Variants in ALDH16A1 observed in about 807,000 individuals in gnomAD.
ALDH16A1 encodes the protein aldehyde dehydrogenase 16 family member A1, also known as aldehyde dehydrogenase family 16 member A1.
A neutral mutation model predicts 96.1 loss-of-function variants in ALDH16A1; 88 were observed. The observed-to-expected ratio is 0.92, with a 90% CI of 0.77 to 1.09. ALDH16A1 has a LOEUF of 1.09. Among genes scored for constraint, ALDH16A1 ranks in the 50% least tolerant of loss-of-function variants. The pLI is 0.00. For synonymous variants in ALDH16A1, 522 were observed against 496.4 expected, an observed-to-expected ratio of 1.05 and a Z score of -0.69; for missense variants, 1,250 against 1,112.6, an observed-to-expected ratio of 1.12 and a Z score of -1.76.
Position 49,468,323 on chromosome 19 carries a change from T to C in ALDH16A1, c.1939-58T>C. The C allele has an allele frequency of 6.5e-7, 1 of 1,538,124 alleles. No individual in the cohort carries two copies. The highest frequency in any genetic ancestry group is 8.8e-7 in the Non-Finnish European group (1 of 1,138,724). ...GGGGAGAATGTAGAGGAACTGGATC[T>C]CTCATTTACTGCGGGCGGGGCTCCC... On this transcript the variant is annotated intron_variant, in intron 14 of 16. Coordinates refer to ENST00000293350, the MANE Select transcript of ALDH16A1 (RefSeq NM_153329.4). This position sits in a 1 kb window ranked among gnomAD's most constrained non-coding sequence, Gnocchi z 4.4.
intron 5 of ALDH16A1, among the ~76,000 whole-genome samples, chr19:49,461,182 G>A (rs367897937): frequency 0.014 from 481 of 34,586 alleles, 12 homozygotes; most frequent in African/African-American, 0.052. Context: ...GAGGGGCTGG[G>A]GTCTGGATTC....
At chr19:49,462,533 C>CA in intron 7 of ALDH16A1, 37 bp from the exon 8 acceptor site, 1 of 1,600,166 alleles carries the variant, frequency 6.2e-7, no homozygotes, top group Non-Finnish European at 8.5e-7. Context: ...TGCTAGAGTG[C>CA]AATGGTGTGA....
Position 49,468,068 on chromosome 19 carries a change from G to T in ALDH16A1, c.1939-313G>T, listed in dbSNP as rs2079213659. On this transcript the variant is annotated intron_variant, in intron 14 of 16. Coordinates refer to ENST00000293350, the MANE Select transcript of ALDH16A1 (RefSeq NM_153329.4). The surrounding 1 kb of genome is among the most constrained non-coding windows in gnomAD (Gnocchi z 4.4). ...TCAGCTACTCAGGAGACTGAGGCAG[G>T]AGAATGGCGTGAACCCGGGAGGCGG... is the stretch of plus-strand genomic sequence containing the variant. 6.6e-6 allele frequency among the ~76,000 whole-genome samples: 1 copy of T among 151,028 alleles called. No homozygotes were observed. Among genetic ancestry groups the T allele is most frequent in the Non-Finnish European group, 1.5e-5 (1 of 67,904 alleles).
intron 10 of ALDH16A1, 76 bp downstream of exon 10, chr19:49,464,339 C>T (rs1368085982): frequency 2.5e-6 from 4 of 1,572,404 alleles, no homozygotes; most frequent in Non-Finnish European, 3.5e-6. Flanking sequence ...TGGGTCGCTC[C>T]CCGCGCCTTT....
chr19:49,468,704 CTTCACTCCT>C lies in ALDH16A1; in HGVS notation c.2124+140_2124+148del. On this transcript the variant is annotated intron_variant, in intron 15 of 16. Coordinates refer to ENST00000293350, the MANE Select transcript of ALDH16A1 (RefSeq NM_153329.4). The surrounding 1 kb of genome is among the most constrained non-coding windows in gnomAD (Gnocchi z 4.4). ...CTGCCCCCAGCCCCAGCACCCAAAC[CTTCACTCCT>C]TGGGGACCCAGTGCCCATTCTTCAC... 1 of 1,363,128 alleles carries C rather than the reference CTTCACTCCT, an allele frequency of 7.3e-7. No homozygotes were observed. The highest frequency in any genetic ancestry group is 1.3e-5 in the South Asian group (1 of 74,184). The allele number at this position is 1,363,128 out of a possible 1,614,324, so 84.4% of individuals were successfully genotyped here.
intron 1 of ALDH16A1, among the ~76,000 whole-genome samples, chr19:49,454,042 T>TTTTTTTTTG (rs2079090877): frequency 2.7e-5 from 4 of 150,190 alleles, no homozygotes; most frequent in Non-Finnish European, 4.4e-5. Context: ...TTTTTTTTTT[T>TTTTTTTTTG]GAGCCAGGGT....
At chr19:49,461,338 T>G in intron 5 of ALDH16A1, among the ~76,000 whole-genome samples, 1 of 142,276 alleles carries the variant, frequency 7.0e-6, no homozygotes, top group Admixed American at 7.3e-5. Context: ...CCTGGACTCC[T>G]GGGTCTGAGG....
intron 14 of ALDH16A1, among the ~76,000 whole-genome samples, chr19:49,466,562 T>G (rs1568656414): frequency 6.6e-6 from 1 of 152,168 alleles, no homozygotes; most frequent in African/African-American, 2.4e-5. Context: ...GGTTCTCACA[T>G]TGCTGTAAAG....
chr19:49,455,497 C>A (rs1466060766), intron 1 of ALDH16A1, among the ~76,000 whole-genome samples: 2 of 151,614 alleles, frequency 1.3e-5, no homozygotes, highest in Non-Finnish European at 2.9e-5. Flanking sequence ...GTCCCAGCTA[C>A]CCGGGAGGCT....
At chr19:49,457,232 C>T (rs2079109657) in intron 1 of ALDH16A1, among the ~76,000 whole-genome samples, 1 of 151,668 alleles carries the variant, frequency 6.6e-6, no homozygotes, top group Non-Finnish European at 1.5e-5. Flanking sequence ...TCAGGGAAGA[C>T]GTGACCAGGA....
At chr19:49,455,762 G>A (rs114008467) in intron 1 of ALDH16A1, among the ~76,000 whole-genome samples, 1 of 152,152 alleles carries the variant, frequency 6.6e-6, no homozygotes, top group African/African-American at 2.4e-5. Flanking sequence ...AAAAAGTGAA[G>A]TTGAGACTTG....
In ALDH16A1 at chr19:49,468,289, C is replaced by T. The variant is rs548011723; in HGVS notation, c.1939-92C>T. 4.5e-4 allele frequency: 621 copies of T among 1,378,720 alleles called. 7 individuals are homozygous for T. In the South Asian group the frequency reaches 7.8e-3, roughly 17 times the overall value. 85.4% of individuals were successfully genotyped at this position (1,378,720 alleles called of 1,614,324 possible). A position where few individuals can be genotyped will look rare whatever the true frequency, so the allele number is the denominator to read the frequency against. On this transcript the variant is annotated intron_variant, in intron 14 of 16. Coordinates refer to ENST00000293350, the MANE Select transcript of ALDH16A1 (RefSeq NM_153329.4). This position sits in a 1 kb window ranked among gnomAD's most constrained non-coding sequence, Gnocchi z 4.4. ...CACAATGGTGCGGTTTGGGCCAACACCAAGTGTTGGGGAGAATGTAGAGGA... is the reference window on the plus strand; with the variant it reads ...CACAATGGTGCGGTTTGGGCCAACATCAAGTGTTGGGGAGAATGTAGAGGA...
At chr19:49,460,961 C>A in intron 5 of ALDH16A1, 62 bp downstream of exon 5, 1 of 1,535,220 alleles carries the variant, frequency 6.5e-7, no homozygotes, top group Non-Finnish European at 9.0e-7. Context: ...TCGTGGGGCC[C>A]AAACTCCAGA....
At chr19:49,461,290 GA>G (rs373121562) in intron 5 of ALDH16A1, among the ~76,000 whole-genome samples, 5 of 84,816 alleles carry the variant, frequency 5.9e-5, no homozygotes, top group Non-Finnish European at 8.9e-5. Context: ...GAGGGGCTGG[GA>G]CCTGGACTCC....
chr19:49,459,130 G>C lies in ALDH16A1; in HGVS notation c.320+44G>C. On this transcript the variant is annotated intron_variant, in intron 3 of 16. Coordinates refer to ENST00000293350, the MANE Select transcript of ALDH16A1 (RefSeq NM_153329.4). The surrounding 1 kb of genome is among the most constrained non-coding windows in gnomAD (Gnocchi z 4.1). ...GGACCCCGGGAGGCGGGGAACCCCA[G>C]CATCCACTCGAGACCATGGGAACAA... 1 of 1,588,256 alleles carries C rather than the reference G, an allele frequency of 6.3e-7. No homozygotes were observed. Among genetic ancestry groups the C allele is most frequent in the Non-Finnish European group, 8.6e-7 (1 of 1,164,672 alleles).
rs1288280853 is a variant in ALDH16A1 at position 49,468,723 on chromosome 19, A to G, written c.2125-141A>G. The G allele has an allele frequency of 3.0e-6, 4 of 1,351,144 alleles. No individual in the cohort carries two copies. The African/African-American group carries it at 5.8e-5, about 20-fold the overall frequency. 83.7% of individuals were successfully genotyped at this position (1,351,144 alleles called of 1,614,324 possible). On this transcript the variant is annotated intron_variant, in intron 15 of 16. Coordinates refer to ENST00000293350, the MANE Select transcript of ALDH16A1 (RefSeq NM_153329.4). This position sits in a 1 kb window ranked among gnomAD's most constrained non-coding sequence, Gnocchi z 4.4. ...CCAAACCTTCACTCCTTGGGGACCC[A>G]GTGCCCATTCTTCACCCTAGGCCTG...
chr19:49,459,644 T>A lies in ALDH16A1; in HGVS notation c.321-26T>A. The stretch of plus-strand genomic sequence containing the variant: ...TGCAAGGCTGAGGGCCGTTGGAAAA[T>A]GAGCACCCTCTTGCTTTCTCGACAG... On this transcript the variant is annotated intron_variant, in intron 3 of 16. Transcript: ENST00000293350. This position sits in a 1 kb window ranked among gnomAD's most constrained non-coding sequence, Gnocchi z 4.1. 1 of 1,583,286 alleles carries A rather than the reference T, an allele frequency of 6.3e-7. No homozygotes were observed. The highest frequency in any genetic ancestry group is 8.6e-7 in the Non-Finnish European group (1 of 1,165,074).
At position 49,466,175 on chromosome 19, in the gene ALDH16A1, G is replaced by T; in HGVS notation, c.1830G>T (p.Leu610=). ...GGAAGTCTACCCTGGCCTCGAGGCT[G>T]GAGAGGCAGGGAGCGGAGCTCAAGG... The part of the protein sequence containing the change: ...ERRKSTLASR[L]ERQGAELKAA... Residue 610 remains leucine (L), a synonymous_variant, in exon 14 of 17, where the codon CTG becomes CTT. Transcript: ENST00000293350. 1 of 1,556,042 alleles carries T rather than the reference G, an allele frequency of 6.4e-7. No individual in the cohort carries two copies.
Position 49,468,474 on chromosome 19 carries a change from G to T in ALDH16A1, c.2032G>T (p.Val678Leu), listed in dbSNP as rs766785153. The change falls in exon 15 of 17, where the codon GTG becomes TTG. Residue 678 changes from valine to leucine, a missense_variant. Coordinates refer to ENST00000293350, the MANE Select transcript of ALDH16A1 (RefSeq NM_153329.4). This position sits in a 1 kb window ranked among gnomAD's most constrained non-coding sequence, Gnocchi z 4.4. Reference protein sequence around the residue: ...CPDEWPLLAFVSLLAPALAYG... With the variant: ...CPDEWPLLAFLSLLAPALAYG... Reference sequence around the variant, plus strand: ...GGACGAGTGGCCCCTGCTTGCCTTCGTGTCCCTGCTGGCTCCCGCCCTGGC... The same window carrying T: ...GGACGAGTGGCCCCTGCTTGCCTTCTTGTCCCTGCTGGCTCCCGCCCTGGC... 3.8e-5 allele frequency: 61 copies of T among 1,602,616 alleles called. No individual in the cohort carries two copies. Among genetic ancestry groups the T allele is most frequent in the Non-Finnish European group, 4.9e-5 (58 of 1,179,884 alleles).
Sources: allele counts gnomAD v4.1 joint callset (sites outside exome capture counted in the v4.1 genomes callset), GRCh38; gene constraint gnomAD v4.1.1; non-coding constraint Gnocchi (gnomAD v3.1); transcripts MANE v1.5; gene names NCBI Gene and HGNC (gene_info 2026-07-23, HGNC 2026-07-21).